The following TRMT9B variants were observed in gnomAD, a reference collection of about 807,000 sequenced individuals.
TRMT9B encodes the protein probable tRNA methyltransferase 9B.
TRMT9B carries 16 observed loss-of-function variants against 11.5 expected under a neutral mutation model. That is an observed-to-expected ratio of 1.39 (90% confidence interval 0.94 to 2.11). The LOEUF is 2.11. Ranked by LOEUF, TRMT9B falls within the 30% of genes most tolerant of loss-of-function variation. The pLI, the probability that TRMT9B is intolerant of heterozygous loss-of-function variation, is 0.00. For missense variants in TRMT9B, 941 were observed against 553.8 expected, an observed-to-expected ratio of 1.70 and a Z score of -7.02; for synonymous variants, 274 against 192.4, an observed-to-expected ratio of 1.42 and a Z score of -3.51.
intron 1 of TRMT9B, among the ~76,000 whole-genome samples, chr8:12,989,383 G>A (rs1806926011): frequency 6.6e-6 from 1 of 152,180 alleles, no homozygotes; most frequent in Admixed American, 6.5e-5. Flanking sequence ...ACTTTAGACA[G>A]AGGCAAATTT....
At position 13,026,465 on chromosome 8, in the gene TRMT9B, A is replaced by T. The variant is rs1447844072; in HGVS notation, c.*4421A>T. The T allele has an allele frequency of 5.4e-5, 4 of 74,428 alleles. No individual in the cohort carries two copies. The highest frequency in any genetic ancestry group is 0.018 in the Middle Eastern group (2 of 114). 4.6% of individuals were successfully genotyped at this position (74,428 alleles called of 1,614,324 possible). Reference sequence around the variant, plus strand: ...TATAAGGGGGAAAGGGGTGGGGGGGAGGGGTTGTGCGGCTGGGGCCTCACT... The same window carrying T: ...TATAAGGGGGAAAGGGGTGGGGGGGTGGGGTTGTGCGGCTGGGGCCTCACT... On this transcript the variant is annotated 3_prime_UTR_variant, in exon 5 of 5. Transcript: ENST00000524591.
chr8:12,954,759 A>G (rs994833365), intron 1 of TRMT9B, among the ~76,000 whole-genome samples: 4 of 152,234 alleles, frequency 2.6e-5, no homozygotes, highest in Non-Finnish European at 5.9e-5. Context: ...AGTACCTTGC[A>G]TAGAACTCCT....
chr8:12,959,799 G>C (rs1177325467), intron 1 of TRMT9B: 2 of 152,058 alleles, frequency 1.3e-5, no homozygotes, highest in Admixed American at 1.3e-4. Flanking sequence ...CAAGTGCTGG[G>C]ATTACAAACG....
intron 1 of TRMT9B, among the ~76,000 whole-genome samples, chr8:12,948,640 A>G (rs1800382110): frequency 2.0e-5 from 3 of 151,758 alleles, no homozygotes. Context: ...ACTAAGCAAC[A>G]CACAGTGAAG....
chr8:13,012,685 T>A lies in TRMT9B; in HGVS notation c.156T>A (p.Gly52=), dbSNP rs751131595. The change falls in exon 4 of 5, where the codon GGT becomes GGA. Residue 52 remains glycine, a splice_region_variant and synonymous_variant. Transcript: ENST00000524591. ...QKPGSLIADI[G]CGTGKYLKVN... is the part of the protein sequence containing the mutation. ...GTAACGCAGGTTTTTCTCTTATAGGTTGTGGGACTGGAAAATATCTTAAAG... is the reference window on the plus strand; with the variant it reads ...GTAACGCAGGTTTTTCTCTTATAGGATGTGGGACTGGAAAATATCTTAAAG... The A allele has an allele frequency of 6.2e-7, 1 of 1,612,582 alleles. No individual in the cohort carries two copies. The highest frequency in any genetic ancestry group is 1.1e-5 in the South Asian group (1 of 90,912).
chr8:12,951,619 C>G (rs1232322252), intron 1 of TRMT9B: 1 of 151,972 alleles, frequency 6.6e-6, no homozygotes, highest in Non-Finnish European at 1.5e-5. Flanking sequence ...CGCGCCAGCC[C>G]GCCTTCGCTG....
chr8:12,946,048 A>T (rs944666200), intron 1 of TRMT9B, 82 bp downstream of exon 1: 7 of 152,218 alleles, frequency 4.6e-5, no homozygotes, highest in Non-Finnish European at 8.8e-5. Context: ...CCACGAGACT[A>T]TAAGTGCCAT....
rs1314524944 is a variant in TRMT9B at position 13,003,933 on chromosome 8, C to T, written c.-1-2269C>T. On this transcript the variant is annotated intron_variant, in intron 2 of 4. Transcript: ENST00000524591. Reference sequence around the variant, plus strand: ...GCAAGACAGTCTTGATATGCCCATGCCATCCCTCCTCCAACTCCCTGGCAG... The same window carrying T: ...GCAAGACAGTCTTGATATGCCCATGTCATCCCTCCTCCAACTCCCTGGCAG... Among the ~76,000 whole-genome samples, 5 of 151,358 alleles carry T rather than the reference C, an allele frequency of 3.3e-5. No individual in the cohort carries two copies. The East Asian group carries it at 9.8e-4, about 30-fold the overall frequency.
chr8:12,997,706 G>C (rs1175688791), intron 2 of TRMT9B, among the ~76,000 whole-genome samples: 2 of 152,146 alleles, frequency 1.3e-5, no homozygotes, highest in Admixed American at 1.3e-4. Context: ...GGATATTCTA[G>C]CATATGTCTT....
intron 1 of TRMT9B, among the ~76,000 whole-genome samples, chr8:12,978,101 C>T (rs924405094): frequency 3.3e-5 from 5 of 152,118 alleles, no homozygotes; most frequent in African/African-American, 4.8e-5. Flanking sequence ...CAGGGGAAAG[C>T]GAAGAGAGAA....
intron 3 of TRMT9B, chr8:13,012,114 T>G: frequency 1.0e-6 from 1 of 985,556 alleles, no homozygotes; most frequent in South Asian, 4.7e-5. Flanking sequence ...TGCGCCAGTG[T>G]ACTGAGCCCT....
chr8:12,980,817 G>A (rs949088345), intron 1 of TRMT9B, among the ~76,000 whole-genome samples: 9 of 152,114 alleles, frequency 5.9e-5, no homozygotes, highest in African/African-American at 2.2e-4. Flanking sequence ...AAGCATGAAG[G>A]TATCAAATGT....
At chr8:12,973,680 C>A (rs1328392772) in intron 1 of TRMT9B, among the ~76,000 whole-genome samples, 1 of 152,096 alleles carries the variant, frequency 6.6e-6, no homozygotes, top group Non-Finnish European at 1.5e-5. Context: ...CTGTCATAGG[C>A]AGCCAGCAGG....
chr8:12,974,629 C>T (rs971034105), intron 1 of TRMT9B, among the ~76,000 whole-genome samples: 3 of 151,060 alleles, frequency 2.0e-5, no homozygotes, highest in South Asian at 2.2e-4. Context: ...GGAAGCAAAA[C>T]GTGGCAGTCT....
intron 4 of TRMT9B, among the ~76,000 whole-genome samples, chr8:13,019,113 G>T (rs996489746): frequency 6.6e-6 from 1 of 152,052 alleles, no homozygotes; most frequent in Non-Finnish European, 1.5e-5. Context: ...TACAATTTGG[G>T]GAGTATTGAT....
At chr8:12,979,177 G>C (rs959759888) in intron 1 of TRMT9B, among the ~76,000 whole-genome samples, 11 of 152,148 alleles carry the variant, frequency 7.2e-5, no homozygotes, top group Non-Finnish European at 1.6e-4. Flanking sequence ...CCTTTTCAGG[G>C]GAGTGACCTA....
intron 1 of TRMT9B, among the ~76,000 whole-genome samples, chr8:12,954,416 A>G (rs929455014): frequency 2.0e-5 from 3 of 151,968 alleles, no homozygotes; most frequent in African/African-American, 7.3e-5. Context: ...TTGGCACTAT[A>G]CAGGCTCATA....
chr8:12,988,291 T>C (rs990644931), intron 1 of TRMT9B, among the ~76,000 whole-genome samples: 3 of 152,196 alleles, frequency 2.0e-5, no homozygotes, highest in African/African-American at 7.2e-5. Flanking sequence ...CATCATAACA[T>C]TCTTCACACC....
intron 3 of TRMT9B, chr8:13,012,200 T>C (rs185584168): frequency 1.0e-6 from 1 of 985,460 alleles, no homozygotes; most frequent in East Asian, 1.1e-4. Flanking sequence ...TATGAGAATC[T>C]GTAAGTATTC....
Sources: gnomAD v4.1 joint callset for allele counts (sites outside exome capture counted in the v4.1 genomes callset) on GRCh38, gnomAD v4.1.1 for gene constraint, MANE v1.5 for transcripts, NCBI Gene and HGNC (gene_info 2026-07-23, HGNC 2026-07-21) for gene names.